The following CUX1 variants were observed in gnomAD, a reference collection of about 807,000 sequenced individuals.
CUX1 encodes the protein protein CASP.
In CUX1, 31 loss-of-function variants were observed where a neutral mutation model predicts 158.8. The ratio of observed to expected loss-of-function variants is 0.20; its 90% CI spans 0.15 to 0.26. The LOEUF (loss-of-function observed/expected upper bound fraction) is 0.26. Ranked by LOEUF, CUX1 falls within the 10% of genes least tolerant of loss-of-function variation. CUX1 has a pLI of 1.00. For synonymous variants in CUX1, 879 were observed against 862.1 expected (o/e 1.02, Z -0.34); for missense variants, 1,589 against 2,014.6 (o/e 0.79, Z 4.04).
Position 102,253,302 on chromosome 7 carries a change from A to G in CUX1, c.*4260A>G. On this transcript the variant is annotated 3_prime_UTR_variant, in exon 24 of 24. Transcript: ENST00000292535. ...CCCATCTCCCTCCTTGGCCAGGGCC[A>G]GCATCAGGCGTGCAGCTCATGACCA... 2.0e-6 allele frequency: 2 copies of G among 985,600 alleles called. No individual in the cohort carries two copies. Among genetic ancestry groups the G allele is most frequent in the Non-Finnish European group, 2.4e-6 (2 of 830,052 alleles). The allele number at this position is 985,600 out of a possible 1,614,324, so 61.1% of individuals were successfully genotyped here. A position where few individuals can be genotyped will look rare whatever the true frequency, so the allele number is the denominator to read the frequency against.
At chr7:102,222,552 G>A (rs1019951246) in intron 20 of CUX1, among the ~76,000 whole-genome samples, 4 of 152,026 alleles carry the variant, frequency 2.6e-5, no homozygotes, top group Non-Finnish European at 4.4e-5. Context: ...CTCCATTCAC[G>A]CCTGGTATGA....
chr7:102,244,275 T>C (rs782314214), intron 23 of CUX1, among the ~76,000 whole-genome samples: 14 of 152,094 alleles, frequency 9.2e-5, no homozygotes, highest in Non-Finnish European at 1.3e-4. Context: ...TTTTCTTTTC[T>C]CCTGTCCCAC....
chr7:102,132,203 CGGGTGGAT>C lies in CUX1; in HGVS notation c.674+16931_674+16938del, dbSNP rs1563287983. ...ATGGGCGGGTGGATAGATGGATGGG[CGGGTGGAT>C]AGATGGATGGATGGACAGACGGATG... On this transcript the variant is annotated intron_variant, in intron 8 of 23. Transcript: ENST00000292535. Among the ~76,000 whole-genome samples the C allele has an allele frequency of 1.5e-3, 210 of 141,254 alleles. 1 individual carries two copies. The highest frequency in any genetic ancestry group is 5.8e-3 in the African/African-American group (205 of 35,290). The allele number at this position is 141,254 out of a possible 152,430, so 92.7% of individuals were successfully genotyped here. A position where few individuals can be genotyped will look rare whatever the true frequency, so the allele number is the denominator to read the frequency against.
chr7:101,816,862 T>G (rs1441527309), upstream of CUX1: 4 of 957,868 alleles, frequency 4.2e-6, no homozygotes, highest in Admixed American at 1.3e-4. Flanking sequence ...CGCCCCCGGC[T>G]GTCACCGGCC....
upstream of CUX1, chr7:101,816,830 A>ACCCCCGGCCGGCCCCGGCCGCCG: frequency 4.1e-6 from 3 of 731,084 alleles, no homozygotes; most frequent in Non-Finnish European, 4.9e-6. Flanking sequence ...CGCGCTCGCT[A>ACCCCCGGCCGGCCCCGGCCGCCG]CCCCCGGCCG....
chr7:102,065,622 C>G (rs553864661), intron 3 of CUX1, among the ~76,000 whole-genome samples: 1 of 152,280 alleles, frequency 6.6e-6, no homozygotes, highest in South Asian at 2.1e-4. Flanking sequence ...TCGGCCTGAC[C>G]GTGTTCCTCA....
At chr7:102,205,259 G>A (rs782792730) in intron 20 of CUX1, 89 bp downstream of exon 20, 56 of 962,160 alleles carry the variant, frequency 5.8e-5, no homozygotes, top group Middle Eastern at 3.1e-4. Flanking sequence ...GCGAGACTCC[G>A]AGGGACCGCA....
At chr7:102,031,768 T>G (rs1820819758) in intron 3 of CUX1, among the ~76,000 whole-genome samples, 1 of 152,162 alleles carries the variant, frequency 6.6e-6, no homozygotes, top group Admixed American at 6.6e-5. Flanking sequence ...CCTTAGTTAC[T>G]CTTTTTCATG....
At chr7:102,279,642 G>A (rs1586537074) in intron 18 of CUX1, among the ~76,000 whole-genome samples, 1 of 152,138 alleles carries the variant, frequency 6.6e-6, no homozygotes, top group African/African-American at 2.4e-5. Flanking sequence ...GCCACCAGAG[G>A]GCACTCAGAC....
intron 2 of CUX1, among the ~76,000 whole-genome samples, chr7:102,021,169 C>A (rs1348617342): frequency 6.6e-6 from 1 of 152,196 alleles, no homozygotes; most frequent in Non-Finnish European, 1.5e-5. Context: ...AAGGGTCCCA[C>A]CCCTGAACTG....
intron 1 of CUX1, among the ~76,000 whole-genome samples, chr7:101,884,943 G>C (rs949315157): frequency 1.3e-5 from 2 of 152,252 alleles, no homozygotes; most frequent in Admixed American, 6.5e-5. Context: ...GGCCTCGACT[G>C]TGAGCCCTCA....
chr7:102,090,001 C>G (rs187118039), intron 4 of CUX1, among the ~76,000 whole-genome samples: 175 of 152,290 alleles, frequency 1.1e-3, no homozygotes, highest in African/African-American at 4.1e-3. Flanking sequence ...GTTTCATTGA[C>G]TTTGCCTAGT....
intron 4 of CUX1, among the ~76,000 whole-genome samples, chr7:102,082,246 C>A (rs2130757715): frequency 6.8e-6 from 1 of 146,988 alleles, no homozygotes; most frequent in African/African-American, 2.4e-5. Flanking sequence ...TTGAATTGGG[C>A]CAGGCACGGT....
At chr7:101,982,113 C>T (rs1392871455) in intron 2 of CUX1, among the ~76,000 whole-genome samples, 1 of 152,206 alleles carries the variant, frequency 6.6e-6, no homozygotes, top group Non-Finnish European at 1.5e-5. Flanking sequence ...CTAGAGTTTC[C>T]CTCTACCTGC....
At chr7:102,131,541 C>T (rs147374402) in intron 8 of CUX1, among the ~76,000 whole-genome samples, 306 of 150,442 alleles carry the variant, frequency 2.0e-3, no homozygotes, top group Admixed American at 3.0e-3. Flanking sequence ...AATTTAAGTA[C>T]ATTAAAGAAG....
chr7:102,189,259 CTCCTCCTG>C (rs1233202112), intron 11 of CUX1, among the ~76,000 whole-genome samples: 2 of 151,784 alleles, frequency 1.3e-5, no homozygotes, highest in African/African-American at 2.4e-5. Flanking sequence ...AGGAAAGCCT[CTCCTCCTG>C]TCCTCCTGTT....
intron 11 of CUX1, among the ~76,000 whole-genome samples, chr7:102,180,066 G>A (rs78123086): frequency 0.067 from 10,167 of 152,128 alleles, 396 homozygotes; most frequent in African/African-American, 0.084. Flanking sequence ...TTTTGTCGCC[G>A]AGACTGGAAT....
Position 102,198,848 on chromosome 7 carries a change from A to G in CUX1, c.1941A>G (p.Lys647=). 2.5e-6 allele frequency: 4 copies of G among 1,614,222 alleles called. No homozygotes were observed. The highest frequency in any genetic ancestry group is 3.4e-6 in the Non-Finnish European group (4 of 1,180,036). The change falls in exon 16 of 24, where the codon AAA becomes AAG. Residue 647 remains lysine, a synonymous_variant. Coordinates refer to ENST00000292535, the MANE Select transcript of CUX1 (RefSeq NM_181552.4). ...SLNRLFQEVP[K]RRNGSEGNIT... ...ACAGACTATTTCAGGAAGTACCGAA[A>G]CGAAGAAATGGGTCTGAAGGTATGT...
chr7:102,018,462 A>T (rs1258398428), intron 2 of CUX1, among the ~76,000 whole-genome samples: 1 of 152,200 alleles, frequency 6.6e-6, no homozygotes, highest in Non-Finnish European at 1.5e-5. Context: ...CCCAGGACAC[A>T]TGGCTTTGGA....
Sources: gnomAD v4.1 joint callset for allele counts (sites outside exome capture counted in the v4.1 genomes callset) on GRCh38, gnomAD v4.1.1 for gene constraint, MANE v1.5 for transcripts, NCBI Gene and HGNC (gene_info 2026-07-23, HGNC 2026-07-21) for gene names.